RBFOX1: variants seen among roughly 807,000 people sequenced by gnomAD.
RBFOX1 encodes the protein RNA binding protein fox-1 homolog 1.
RBFOX1 carries 8 observed loss-of-function variants against 57.7 expected under a neutral mutation model. The observed-to-expected ratio is 0.14, with a 90% CI of 0.08 to 0.25. RBFOX1 has a LOEUF of 0.25. Ranked by LOEUF, RBFOX1 falls within the 10% of genes least tolerant of loss-of-function variation. RBFOX1 has a pLI of 1.00. For missense variants in RBFOX1, 611 were observed against 548.5 expected, an observed-to-expected ratio of 1.11 and a Z score of -1.14; for synonymous variants, 326 against 222.4, an observed-to-expected ratio of 1.47 and a Z score of -4.15.
At chr16:7,375,093 T>C (rs1194605115) in intron 4 of RBFOX1, among the ~76,000 whole-genome samples, 1 of 152,260 alleles carries the variant, frequency 6.6e-6, no homozygotes, top group South Asian at 2.1e-4. Context: ...ATTTCTGCTA[T>C]GTTTCAGACA....
At position 6,006,689 on chromosome 16, in the gene RBFOX1, G is replaced by C. The variant is rs75914488; in HGVS notation, c.351+139354G>C. On this transcript the variant is annotated intron_variant, in intron 4 of 19. Transcript: ENST00000641259. ...ACTCAGAAGGGGAAGAGAGAGACCT[G>C]ACAAATGGAGTGTTTTAAAATATTG... 5.7e-3 allele frequency among the ~76,000 whole-genome samples: 863 copies of C among 152,278 alleles called. 3 individuals are homozygous for C. The highest frequency in any genetic ancestry group is 0.014 in the Middle Eastern group (4 of 294).
intron 4 of RBFOX1, among the ~76,000 whole-genome samples, chr16:7,414,571 C>G (rs2098460998): frequency 6.6e-6 from 1 of 152,076 alleles, no homozygotes; most frequent in African/African-American, 2.4e-5. Flanking sequence ...TGAAGGTCTA[C>G]CATATCCCAA....
chr16:7,414,461 T>A (rs1002998726), intron 4 of RBFOX1, among the ~76,000 whole-genome samples: 1 of 152,262 alleles, frequency 6.6e-6, no homozygotes, highest in African/African-American at 2.4e-5. Flanking sequence ...TTCTTTCTAA[T>A]GTGAGCCACA....
intron 4 of RBFOX1, among the ~76,000 whole-genome samples, chr16:6,010,718 A>G (rs1259125257): frequency 1.3e-5 from 2 of 152,202 alleles, no homozygotes; most frequent in Non-Finnish European, 2.9e-5. Flanking sequence ...TTCAGTTTTG[A>G]CTAAATTCCC....
At chr16:5,435,371 A>G (rs2067884575) in intron 1 of RBFOX1, among the ~76,000 whole-genome samples, 1 of 152,106 alleles carries the variant, frequency 6.6e-6, no homozygotes, top group Non-Finnish European at 1.5e-5. Context: ...TGGGGGTGTC[A>G]TCTGTGAGGC....
At chr16:6,925,545 T>G (rs537356178) in intron 3 of RBFOX1, among the ~76,000 whole-genome samples, 1 of 152,020 alleles carries the variant, frequency 6.6e-6, no homozygotes, top group South Asian at 2.1e-4. Context: ...TTTGATCTAT[T>G]TTATTCACTG....
rs560025925 is a variant in RBFOX1, at chr16:5,316,398, C to T, written c.219+76293C>T. On this transcript the variant is annotated intron_variant, in intron 1 of 2. Transcript: ENST00000585867. ...CTAGTGCCCAGCACACTGCCCAGAA[C>T]ATGGGCAGTCTCCAGTGAATAGGTG... Among the ~76,000 whole-genome samples the T allele has an allele frequency of 3.3e-5, 5 of 152,298 alleles. No individual in the cohort carries two copies. In the East Asian group the frequency reaches 5.8e-4, roughly 18 times the overall value.
chr16:6,388,370 T>C (rs2092415960), intron 2 of RBFOX1, among the ~76,000 whole-genome samples: 1 of 151,262 alleles, frequency 6.6e-6, no homozygotes, highest in Admixed American at 6.6e-5. Flanking sequence ...AAACTCACAC[T>C]CACAGAAAGT....
intron 4 of RBFOX1, among the ~76,000 whole-genome samples, chr16:7,091,803 G>C (rs545883076): frequency 1.3e-5 from 2 of 152,282 alleles, no homozygotes; most frequent in East Asian, 1.9e-4. Flanking sequence ...CTAGAGCTTC[G>C]TTATTAACTG....
At chr16:7,381,654 T>G (rs567780049) in intron 4 of RBFOX1, among the ~76,000 whole-genome samples, 8 of 152,212 alleles carry the variant, frequency 5.3e-5, no homozygotes, top group Non-Finnish European at 1.2e-4. Flanking sequence ...CATATTTTAT[T>G]TTATTTGGTA....
rs371312608 is a variant in RBFOX1, at chr16:5,988,160, G to T, written c.351+120825G>T. Among the ~76,000 whole-genome samples, 273 of 152,286 alleles carry T rather than the reference G, an allele frequency of 1.8e-3. 1 individual carries two copies. The highest frequency in any genetic ancestry group is 6.5e-3 in the African/African-American group (270 of 41,554). Reference sequence around the variant, plus strand: ...TTCTCTTTGGGCTGTAACTAAATCAGATTTTCAGGAGGTGCAAATGTAATA... The same window carrying T: ...TTCTCTTTGGGCTGTAACTAAATCATATTTTCAGGAGGTGCAAATGTAATA... On this transcript the variant is annotated intron_variant, in intron 4 of 19. Transcript: ENST00000641259.
chr16:7,453,940 A>C (rs1275674106), intron 4 of RBFOX1, among the ~76,000 whole-genome samples: 1 of 152,196 alleles, frequency 6.6e-6, no homozygotes, highest in African/African-American at 2.4e-5. Context: ...GGGATTAAGA[A>C]AGCCATAGCC....
chr16:5,850,137 G>A (rs1376386257), intron 3 of RBFOX1, among the ~76,000 whole-genome samples: 2 of 152,172 alleles, frequency 1.3e-5, no homozygotes, highest in African/African-American at 4.8e-5. Flanking sequence ...CAGTGGCTAA[G>A]AGGGAAAGGA....
intron 3 of RBFOX1, among the ~76,000 whole-genome samples, chr16:6,830,151 A>T (rs1328378815): frequency 6.6e-6 from 1 of 152,054 alleles, no homozygotes; most frequent in Non-Finnish European, 1.5e-5. Context: ...TCCTGACCTC[A>T]GGTGATCTGC....
At chr16:7,526,177 A>C (rs1230702090) in intron 5 of RBFOX1, among the ~76,000 whole-genome samples, 1 of 152,174 alleles carries the variant, frequency 6.6e-6, no homozygotes, top group African/African-American at 2.4e-5. Context: ...TGATTATCTG[A>C]GGTGCAACCA....
intron 4 of RBFOX1, among the ~76,000 whole-genome samples, chr16:7,343,684 A>G (rs1009085056): frequency 3.9e-5 from 6 of 152,110 alleles, no homozygotes; most frequent in Admixed American, 1.3e-4. Context: ...CTTAGGGAGG[A>G]AAAAACAGGC....
rs1053383282 is a variant in RBFOX1, at chr16:6,317,026, C to G, written c.-95C>G. 4.2e-5 allele frequency: 64 copies of G among 1,535,432 alleles called. No individual in the cohort carries two copies. The highest frequency in any genetic ancestry group is 2.1e-5 in the Non-Finnish European group (24 of 1,146,530). On this transcript the variant is annotated 5_prime_UTR_variant, in exon 2 of 16. Coordinates refer to ENST00000550418, the MANE Select transcript of RBFOX1 (RefSeq NM_018723.4). The stretch of plus-strand genomic sequence containing the variant: ...GGTCAAAGAACTCATGCAAGTGGAA[C>G]TTACAGCTTCCTTGATCGGACTCAG...
intron 3 of RBFOX1, among the ~76,000 whole-genome samples, chr16:5,780,956 C>T (rs775840837): frequency 6.6e-6 from 1 of 152,180 alleles, no homozygotes; most frequent in Non-Finnish European, 1.5e-5. Flanking sequence ...TCCAGTGTGA[C>T]AAGCAGAACA....
chr16:6,457,360 A>G (rs2094798632), intron 2 of RBFOX1, among the ~76,000 whole-genome samples: 1 of 151,500 alleles, frequency 6.6e-6, no homozygotes, highest in Non-Finnish European at 1.5e-5. Flanking sequence ...AGAAGTACTC[A>G]GAGTGAGAGA....
Sources: allele counts gnomAD v4.1 joint callset (sites outside exome capture counted in the v4.1 genomes callset), GRCh38; gene constraint gnomAD v4.1.1; transcripts MANE v1.5; gene names NCBI Gene and HGNC (gene_info 2026-07-23, HGNC 2026-07-21).